Variants in POLQ observed in about 807,000 individuals in gnomAD.
POLQ encodes DNA polymerase theta.
In POLQ, 233 loss-of-function variants were observed where a neutral mutation model predicts 259.2. That is an observed-to-expected ratio of 0.90 (90% CI 0.81 to 1.00). POLQ has a LOEUF of 1.00. Ranked by LOEUF, POLQ falls within the 50% of genes least tolerant of loss-of-function variation. The probability of loss-of-function intolerance (pLI) is 0.00; values close to 1 mark genes in which losing one functional copy is unlikely to be tolerated. For missense variants in POLQ, 2,871 were observed against 3,051.6 expected, an observed-to-expected ratio of 0.94 and a Z score of 1.39; for synonymous variants, 1,025 against 1,048.8, an observed-to-expected ratio of 0.98 and a Z score of 0.44.
intron 5 of POLQ, among the ~76,000 whole-genome samples, chr3:121,535,852 T>A (rs1465533304): frequency 6.6e-6 from 1 of 151,690 alleles, no homozygotes; most frequent in Non-Finnish European, 1.5e-5. Flanking sequence ...AGATGGTAAA[T>A]CAAGACAGAC....
At chr3:121,441,183 C>G (rs1216502097) in intron 26 of POLQ, among the ~76,000 whole-genome samples, 2 of 152,232 alleles carry the variant, frequency 1.3e-5, no homozygotes, top group Middle Eastern at 3.4e-3. Flanking sequence ...AGAGGCTGTA[C>G]TTCTACAAAA....
intron 8 of POLQ, 27 bp downstream of exon 8, chr3:121,521,976 C>A: frequency 6.7e-7 from 1 of 1,502,682 alleles, no homozygotes; most frequent in Non-Finnish European, 8.9e-7. Context: ...TTGGAGGTTT[C>A]TTAATAACAT....
chr3:121,492,936 G>A (rs748917957), intron 15 of POLQ, among the ~76,000 whole-genome samples: 6 of 151,428 alleles, frequency 4.0e-5, no homozygotes, highest in Non-Finnish European at 5.9e-5. Flanking sequence ...GAGTCACTGT[G>A]CCCAGCCCCA....
At chr3:121,532,532 T>C (rs764224505) in intron 6 of POLQ, among the ~76,000 whole-genome samples, 10 of 152,120 alleles carry the variant, frequency 6.6e-5, no homozygotes, top group Non-Finnish European at 1.3e-4. Context: ...GATGGAGTCT[T>C]ACTCTGTTGC....
Position 121,511,948 on chromosome 3 carries a change from C to G in POLQ, c.1550G>C (p.Ser517Thr), listed in dbSNP as rs1182660415. ...LLQGSLKPVR[S>T]CLQRREGEEV... ...TTCTCCTTCTCGTCTTTGCAGACAG[C>G]TGCGAACAGGCTTTAGAGAACCCTG... The change falls in exon 10 of 30, where the codon AGC becomes ACC. Residue 517 changes from serine to threonine, a missense_variant. Ser to Thr is a moderately conservative substitution (Grantham distance 58). Transcript: ENST00000264233. 3.1e-6 allele frequency: 5 copies of G among 1,613,654 alleles called. No individual in the cohort carries two copies. The highest frequency in any genetic ancestry group is 4.2e-6 in the Non-Finnish European group (5 of 1,179,666).
At chr3:121,441,750 ATAG>A (rs2047594265) in intron 26 of POLQ, among the ~76,000 whole-genome samples, 1 of 152,192 alleles carries the variant, frequency 6.6e-6, no homozygotes, top group Non-Finnish European at 1.5e-5. Context: ...CACAAATACG[ATAG>A]TAGAATTGCA....
chr3:121,493,591 A>T lies in POLQ; in HGVS notation c.2409T>A (p.Asn803Lys). Residue 803 changes from asparagine to lysine, a missense_variant, in exon 15 of 30, where the codon AAT becomes AAA. Asn to Lys is a moderately conservative substitution (Grantham distance 94). Coordinates refer to ENST00000264233, the MANE Select transcript of POLQ (RefSeq NM_199420.4). ...LCDLVRVSLL[N>K]AQRARVLYAS... Reference sequence around the variant, plus strand: ...CATAGAGAACCCTGGCTCTCTGAGCATTTAGTAAGGATACCCGAACCAGGT... The same window carrying T: ...CATAGAGAACCCTGGCTCTCTGAGCTTTTAGTAAGGATACCCGAACCAGGT... 1 of 1,614,154 alleles carries T rather than the reference A, an allele frequency of 6.2e-7. No homozygotes were observed. Among genetic ancestry groups the T allele is most frequent in the East Asian group, 2.2e-5 (1 of 44,876 alleles).
At position 121,489,022 on chromosome 3, in the gene POLQ, A is replaced by G; in HGVS notation, c.3909T>C (p.Thr1303=). The G allele has an allele frequency of 6.2e-7, 1 of 1,612,810 alleles. No homozygotes were observed. The highest frequency in any genetic ancestry group is 8.5e-7 in the Non-Finnish European group (1 of 1,179,218). Residue 1303 remains threonine (T), a synonymous_variant, in exon 16 of 30, where the codon ACT becomes ACC. Transcript: ENST00000264233. ...CTAAGTCAGAAACATGATTATTTTT[A>G]GTTTTGTTTGTTGTATAAGTACCTG... ...EKTGTYTTNK[T]KNNHVSDLGL...
At chr3:121,525,822 T>C (rs763868668) in intron 7 of POLQ, among the ~76,000 whole-genome samples, 2 of 152,240 alleles carry the variant, frequency 1.3e-5, no homozygotes, top group African/African-American at 2.4e-5. Context: ...CTTCTGTTAA[T>C]TCCTCTGGTG....
chr3:121,452,828 G>T (rs1313694747), intron 25 of POLQ, among the ~76,000 whole-genome samples: 1 of 152,324 alleles, frequency 6.6e-6, no homozygotes, highest in Non-Finnish European at 1.5e-5. Flanking sequence ...AAAACAAAAA[G>T]ACAGCAGTAA....
In POLQ at chr3:121,512,022, A is replaced by G; in HGVS notation, c.1476T>C (p.Ser492=). Reference sequence around the variant, plus strand: ...TCTCAGAGTTCTTACAAATTAAGATACTCTCGCCTATAACCAAAAGATACA... The same window carrying G: ...TCTCAGAGTTCTTACAAATTAAGATGCTCTCGCCTATAACCAAAAGATACA... ...GRKGVDTVGE[S]ILICKNSEKS... is the part of the protein sequence containing the mutation. Residue 492 remains serine, a synonymous_variant, in exon 10 of 30, where the codon AGT becomes AGC. Coordinates refer to ENST00000264233, the MANE Select transcript of POLQ (RefSeq NM_199420.4). 1.2e-6 allele frequency: 2 copies of G among 1,612,096 alleles called. No homozygotes were observed. The highest frequency in any genetic ancestry group is 1.7e-6 in the Non-Finnish European group (2 of 1,179,184).
chr3:121,526,903 G>A (rs1426922061), intron 7 of POLQ, among the ~76,000 whole-genome samples: 1 of 151,892 alleles, frequency 6.6e-6, no homozygotes, highest in Non-Finnish European at 1.5e-5. Context: ...GCGCGCGCAC[G>A]CACGTGCATC....
At chr3:121,451,524 C>G (rs574592479) in intron 25 of POLQ, among the ~76,000 whole-genome samples, 42 of 152,316 alleles carry the variant, frequency 2.8e-4, no homozygotes, top group African/African-American at 9.1e-4. Flanking sequence ...CCCTCAGGTG[C>G]AGGTCTGTTG....
intron 2 of POLQ, 23 bp from the exon 3 acceptor site, chr3:121,541,502 G>C (rs775170141): frequency 6.4e-7 from 1 of 1,571,480 alleles, no homozygotes; most frequent in East Asian, 2.2e-5. Context: ...TATTCCACAA[G>C]ATTATAAGAA....
intron 4 of POLQ, among the ~76,000 whole-genome samples, chr3:121,538,474 G>A (rs1249385646): frequency 6.6e-6 from 1 of 151,206 alleles, no homozygotes; most frequent in African/African-American, 2.4e-5. Flanking sequence ...GGAATTTAAG[G>A]AGACAATAGG....
At chr3:121,458,809 G>C (rs928347749) in intron 25 of POLQ, among the ~76,000 whole-genome samples, 1 of 152,216 alleles carries the variant, frequency 6.6e-6, no homozygotes, top group East Asian at 1.9e-4. Flanking sequence ...CCAGCACTTC[G>C]GGAGGCCAAG....
chr3:121,480,161 A>C (rs960538612), intron 19 of POLQ, among the ~76,000 whole-genome samples: 1 of 151,648 alleles, frequency 6.6e-6, no homozygotes, highest in African/African-American at 2.4e-5. Flanking sequence ...AAAAGAAAAA[A>C]AAGATTTGGA....
chr3:121,433,018 C>T lies in POLQ; in HGVS notation c.7559G>A (p.Arg2520Lys), dbSNP rs1318479193. 1.2e-6 allele frequency: 2 copies of T among 1,606,178 alleles called. No individual in the cohort carries two copies. Among genetic ancestry groups the T allele is most frequent in the Non-Finnish European group, 1.7e-6 (2 of 1,172,984 alleles). The stretch of plus-strand genomic sequence containing the variant: ...TGGGCAGAACATCCCTTGCAGTTTT[C>T]TCTTTCGTGACAATCCTACTTCATG... ...QSDQTGLSRK[R>K]KLQGMFCPIR... is the part of the protein sequence containing the mutation. The change falls in exon 29 of 30, where the codon AGA (arginine) becomes AAA (lysine). Residue 2520 changes from arginine (R) to lysine (K), a missense_variant. Coordinates refer to ENST00000264233, the MANE Select transcript of POLQ (RefSeq NM_199420.4).
intron 24 of POLQ, among the ~76,000 whole-genome samples, chr3:121,464,764 G>T (rs2047821955): frequency 6.6e-6 from 1 of 152,132 alleles, no homozygotes; most frequent in Non-Finnish European, 1.5e-5. Context: ...TCTATAAGAT[G>T]TATATGAAAC....
Sources: gnomAD v4.1 joint callset for allele counts (sites outside exome capture counted in the v4.1 genomes callset) on GRCh38, gnomAD v4.1.1 for gene constraint, MANE v1.5 for transcripts, NCBI Gene and HGNC (gene_info 2026-07-23, HGNC 2026-07-21) for gene names.